CSMD1: variants seen among roughly 807,000 people sequenced by gnomAD.
The protein encoded by CSMD1 is CUB and sushi domain-containing protein 1.
A neutral mutation model predicts 417.5 loss-of-function variants in CSMD1; 213 were observed. That is an observed-to-expected ratio of 0.51 (90% CI 0.46 to 0.57). The LOEUF (loss-of-function observed/expected upper bound fraction) is 0.57. Ranked by LOEUF, CSMD1 falls within the 20% of genes least tolerant of loss-of-function variation. CSMD1 has a pLI of 0.00. For missense variants in CSMD1, 6,923 were observed against 4,529.7 expected, an observed-to-expected ratio of 1.53 and a Z score of -15.17; for synonymous variants, 2,862 against 1,736.8, an observed-to-expected ratio of 1.65 and a Z score of -16.11.
intron 3 of CSMD1, among the ~76,000 whole-genome samples, chr8:4,083,184 T>A (rs2552148): frequency 2.0e-5 from 3 of 151,832 alleles, no homozygotes; most frequent in East Asian, 3.9e-4. Flanking sequence ...CCTGAGGAAT[T>A]GCCACACTGA....
rs571297294 is a variant in CSMD1, at chr8:3,962,985, G to A, written c.818+34918C>T. ...GGACTCTTGCTCCGTCACCCAGGCT[G>A]GAGTGCGGTGGAGCAATCTCGGCTC... On this transcript the variant is annotated intron_variant, in intron 5 of 69. Coordinates refer to ENST00000635120, the MANE Select transcript of CSMD1 (RefSeq NM_033225.6). Among the ~76,000 whole-genome samples, 8 of 152,258 alleles carry A rather than the reference G, an allele frequency of 5.3e-5. No homozygotes were observed. The East Asian group carries it at 1.5e-3, about 29-fold the overall frequency.
In CSMD1 at chr8:4,142,368, T is replaced by C. The variant is rs115336496; in HGVS notation, c.416-110269A>G. On this transcript the variant is annotated intron_variant, in intron 3 of 69. Coordinates refer to ENST00000635120, the MANE Select transcript of CSMD1 (RefSeq NM_033225.6). ...GTTATGATATTTGGCTGTAGGCAAA[T>C]ATTAGAGGCCTCAGGGAGAGGACAG... 4.6e-3 allele frequency among the ~76,000 whole-genome samples: 697 copies of C among 151,136 alleles called. 43 individuals are homozygous for C. The highest frequency in any genetic ancestry group is 0.012 in the African/African-American group (471 of 40,494).
chr8:4,089,809 T>C (rs10095472), intron 3 of CSMD1, among the ~76,000 whole-genome samples: 151,038 of 152,168 alleles, frequency 0.99, 74,968 homozygotes, highest in Middle Eastern at 1. Context: ...CGAGTGTGTT[T>C]GGTCTTGGAG....
chr8:4,295,369 T>C (rs1312904633), intron 3 of CSMD1, among the ~76,000 whole-genome samples: 1 of 144,070 alleles, frequency 6.9e-6, no homozygotes, highest in East Asian at 2.2e-4. Context: ...AGATTATATA[T>C]GTATCTTATT....
At chr8:3,046,353 C>T (rs763951012) in intron 50 of CSMD1, among the ~76,000 whole-genome samples, 1 of 152,062 alleles carries the variant, frequency 6.6e-6, no homozygotes, top group African/African-American at 2.4e-5. Context: ...ACAGGAGATA[C>T]CTGTACGCCT....
chr8:3,668,713 A>G (rs1341838637), intron 7 of CSMD1, among the ~76,000 whole-genome samples: 2 of 152,162 alleles, frequency 1.3e-5, no homozygotes, highest in Non-Finnish European at 2.9e-5. Flanking sequence ...ACAGAGATGG[A>G]TGAGTTGGGA....
At chr8:3,915,026 T>C (rs1808719040) in intron 5 of CSMD1, among the ~76,000 whole-genome samples, 1 of 152,116 alleles carries the variant, frequency 6.6e-6, no homozygotes, top group Admixed American at 6.5e-5. Context: ...ATGAGGAGAT[T>C]CTACAAACAC....
intron 23 of CSMD1, among the ~76,000 whole-genome samples, chr8:3,339,171 T>G (rs936054514): frequency 6.6e-6 from 1 of 152,116 alleles, no homozygotes; most frequent in Non-Finnish European, 1.5e-5. Context: ...GAACTCATCA[T>G]TTTTTATGGC....
chr8:3,405,727 G>A (rs150087818), intron 15 of CSMD1, among the ~76,000 whole-genome samples: 3 of 152,168 alleles, frequency 2.0e-5, no homozygotes, highest in Non-Finnish European at 2.9e-5. Context: ...AGATGAGGGT[G>A]AGGCTTCTCC....
chr8:4,117,997 G>A (rs997199009), intron 3 of CSMD1, among the ~76,000 whole-genome samples: 4 of 149,482 alleles, frequency 2.7e-5, no homozygotes, highest in African/African-American at 7.4e-5. Flanking sequence ...AGGCACATGA[G>A]AAATGACATA....
In CSMD1 at chr8:4,061,712, T is replaced by A. The variant is rs1798981981; in HGVS notation, c.416-29613A>T. 2.6e-5 allele frequency among the ~76,000 whole-genome samples: 4 copies of A among 152,332 alleles called. No individual in the cohort carries two copies. In the South Asian group the frequency reaches 8.3e-4, roughly 32 times the overall value. On this transcript the variant is annotated intron_variant, in intron 3 of 69. Transcript: ENST00000635120. Reference sequence around the variant, plus strand: ...TATGATTTTTCAAGTATCTTACATTTATTCCTTACCAAATTAATTATTCTA... The same window carrying A: ...TATGATTTTTCAAGTATCTTACATTAATTCCTTACCAAATTAATTATTCTA...
intron 3 of CSMD1, among the ~76,000 whole-genome samples, chr8:4,184,491 G>T (rs966767159): frequency 6.6e-6 from 1 of 152,062 alleles, no homozygotes. Context: ...ACTGGATAAA[G>T]AAAATGTGGC....
chr8:4,192,035 G>C (rs1337933984), intron 3 of CSMD1, among the ~76,000 whole-genome samples: 1 of 152,080 alleles, frequency 6.6e-6, no homozygotes, highest in East Asian at 1.9e-4. Flanking sequence ...CAATTCTCCT[G>C]CAACAAAAGT....
chr8:4,417,550 G>C (rs988649908), intron 3 of CSMD1, among the ~76,000 whole-genome samples: 12 of 151,886 alleles, frequency 7.9e-5, no homozygotes, highest in Admixed American at 7.9e-4. Context: ...TAATATGAAA[G>C]TTCATTTTAT....
At chr8:3,402,356 G>T (rs201857131) in intron 15 of CSMD1, among the ~76,000 whole-genome samples, 1 of 151,784 alleles carries the variant, frequency 6.6e-6, no homozygotes, top group African/African-American at 2.4e-5. Flanking sequence ...AAAATCACCC[G>T]TTTTCTACAG....
intron 5 of CSMD1, among the ~76,000 whole-genome samples, chr8:3,960,606 G>C (rs572747790): frequency 3.2e-4 from 48 of 152,048 alleles, no homozygotes; most frequent in Admixed American, 6.6e-4. Context: ...TTTAAATATT[G>C]TATATAACAT....
intron 25 of CSMD1, among the ~76,000 whole-genome samples, chr8:3,295,621 C>T (rs1294080617): frequency 6.6e-6 from 1 of 152,174 alleles, no homozygotes; most frequent in Non-Finnish European, 1.5e-5. Context: ...TCTTTCTAGG[C>T]CAGCATGATA....
At chr8:4,067,941 G>A (rs550115356) in intron 3 of CSMD1, among the ~76,000 whole-genome samples, 1 of 152,104 alleles carries the variant, frequency 6.6e-6, no homozygotes, top group Non-Finnish European at 1.5e-5. Context: ...ACTGGGCATG[G>A]TGGTGCGCTC....
chr8:4,531,469 C>A (rs1261471302), intron 2 of CSMD1, among the ~76,000 whole-genome samples: 2 of 152,078 alleles, frequency 1.3e-5, no homozygotes, highest in Admixed American at 1.3e-4. Context: ...ATCTATGTGG[C>A]TTTGTTTTTG....
Sources: allele counts gnomAD v4.1 joint callset (sites outside exome capture counted in the v4.1 genomes callset), GRCh38; gene constraint gnomAD v4.1.1; transcripts MANE v1.5; gene names NCBI Gene and HGNC (gene_info 2026-07-23, HGNC 2026-07-21).